The following TMC1 variants were observed in gnomAD, a reference collection of about 807,000 sequenced individuals.
TMC1 encodes transmembrane channel like 1, also known as transmembrane channel-like protein 1.
TMC1 carries 84 observed loss-of-function variants against 105.8 expected under a neutral mutation model. The ratio of observed to expected loss-of-function variants is 0.79; its 90% CI spans 0.67 to 0.95. The LOEUF (loss-of-function observed/expected upper bound fraction) is 0.95, where lower values mean the gene tolerates loss of function less well. TMC1 is among the 40% of genes least tolerant of loss of function. The pLI is 0.00. For synonymous variants in TMC1, 315 were observed against 311.5 expected (o/e 1.01, Z -0.12); for missense variants, 817 against 914.1 (o/e 0.89, Z 1.37).
intron 13 of TMC1, among the ~76,000 whole-genome samples, chr9:72,777,037 A>G (rs1828016952): frequency 6.6e-6 from 1 of 152,174 alleles, no homozygotes; most frequent in Non-Finnish European, 1.5e-5. Context: ...TATCAAAACC[A>G]AGTCCTTGTT....
rs57741839 is a variant in TMC1, at chr9:72,607,002, TAGAG to T, written c.-305-9344_-305-9341del. ...GTGTGCATATATATATATATATATA[TAGAG>T]AGAGAGAGAGAGAGAGAGAGAAAGA... On this transcript the variant is annotated intron_variant, in intron 2 of 23. Coordinates refer to ENST00000297784, the MANE Select transcript of TMC1 (RefSeq NM_138691.3). Among the ~76,000 whole-genome samples the T allele has an allele frequency of 3.2e-3, 436 of 134,960 alleles. 4 individuals are homozygous for T. The highest frequency in any genetic ancestry group is 0.012 in the African/African-American group (418 of 35,756). 88.5% of individuals were successfully genotyped at this position (134,960 alleles called of 152,430 possible). A position where few individuals can be genotyped will look rare whatever the true frequency, so the allele number is the denominator to read the frequency against.
At chr9:72,599,436 AC>A (rs1449508717) in intron 2 of TMC1, among the ~76,000 whole-genome samples, 1 of 152,212 alleles carries the variant, frequency 6.6e-6, no homozygotes, top group Admixed American at 6.5e-5. Context: ...CTCCCAAAAG[AC>A]CTGGCCAGTG....
intron 2 of TMC1, among the ~76,000 whole-genome samples, chr9:72,583,696 G>A (rs963454288): frequency 6.6e-6 from 1 of 152,154 alleles, no homozygotes; most frequent in Non-Finnish European, 1.5e-5. Flanking sequence ...GAAACTCAGA[G>A]CCAAACTTGT....
intron 13 of TMC1, 39 bp from the exon 14 acceptor site, chr9:72,788,299 AT>A: frequency 6.2e-7 from 1 of 1,613,132 alleles, no homozygotes; most frequent in Admixed American, 1.7e-5. Context: ...CCCCTATCTC[AT>A]TTTTTCTGGC....
intron 17 of TMC1, 32 bp from the exon 18 acceptor site, chr9:72,805,350 T>G: frequency 6.2e-7 from 1 of 1,611,320 alleles, no homozygotes; most frequent in Non-Finnish European, 8.5e-7. Flanking sequence ...AAGACAGAAC[T>G]GTGTGTTTTA....
chr9:72,770,886 C>T (rs914985549), intron 12 of TMC1, among the ~76,000 whole-genome samples: 7 of 152,124 alleles, frequency 4.6e-5, no homozygotes, highest in African/African-American at 1.7e-4. Flanking sequence ...TTTTGTTCTT[C>T]CTCTTTTTGT....
chr9:72,654,111 T>A (rs1214855441), intron 5 of TMC1, among the ~76,000 whole-genome samples: 2 of 152,204 alleles, frequency 1.3e-5, no homozygotes, highest in Non-Finnish European at 2.9e-5. Flanking sequence ...TAGAAGTCTG[T>A]TGTGAATGTT....
intron 8 of TMC1, among the ~76,000 whole-genome samples, chr9:72,738,036 A>G (rs1451380856): frequency 1.3e-5 from 2 of 152,174 alleles, no homozygotes; most frequent in Admixed American, 1.3e-4. Context: ...AAATTATTAG[A>G]TACTCCCTTG....
chr9:72,809,394 G>A (rs1265617662), intron 18 of TMC1, among the ~76,000 whole-genome samples: 1 of 152,146 alleles, frequency 6.6e-6, no homozygotes, highest in Non-Finnish European at 1.5e-5. Context: ...ACCTTTGGAA[G>A]GCTCAAAAAA....
intron 5 of TMC1, among the ~76,000 whole-genome samples, chr9:72,657,562 G>A (rs903509839): frequency 6.6e-6 from 1 of 152,038 alleles, no homozygotes; most frequent in Non-Finnish European, 1.5e-5. Context: ...ATATTTTTCA[G>A]TTTTGGGGTG....
rs550736678 is a variant in TMC1 at position 72,790,239 on chromosome 9, T to C, written c.1224+922T>C. Among the ~76,000 whole-genome samples, 22 of 152,304 alleles carry C rather than the reference T, an allele frequency of 1.4e-4. No homozygotes were observed. In the South Asian group the frequency reaches 4.6e-3, roughly 32 times the overall value. On this transcript the variant is annotated intron_variant, in intron 15 of 23. Coordinates refer to ENST00000297784, the MANE Select transcript of TMC1 (RefSeq NM_138691.3). ...AGTATAGATCAAAAGAATTAAAATA[T>C]GTCTTTATAAGCATAGAATTTTCTA...
chr9:72,805,330 G>C, intron 17 of TMC1, 52 bp from the exon 18 acceptor site: 2 of 1,604,284 alleles, frequency 1.2e-6, no homozygotes, highest in Non-Finnish European at 1.7e-6. Context: ...ACCAACACTA[G>C]GACCATTTGA....
intron 3 of TMC1, among the ~76,000 whole-genome samples, chr9:72,626,556 A>G (rs1243921215): frequency 6.6e-6 from 1 of 152,226 alleles, no homozygotes; most frequent in Non-Finnish European, 1.5e-5. Context: ...ACAGAGAAGG[A>G]GTGAATAAGG....
chr9:72,678,339 T>C (rs60823696), intron 5 of TMC1, among the ~76,000 whole-genome samples: 15,020 of 152,096 alleles, frequency 0.099, 801 homozygotes, highest in Non-Finnish European at 0.13. Flanking sequence ...GAGATAGCTT[T>C]CCCATTTCCA....
At chr9:72,792,949 T>A (rs1435137637) in intron 17 of TMC1, among the ~76,000 whole-genome samples, 2 of 152,076 alleles carry the variant, frequency 1.3e-5, no homozygotes, top group Non-Finnish European at 2.9e-5. Flanking sequence ...GGTAGTGACA[T>A]GAAGCCAAGG....
chr9:72,771,388 C>T (rs1194834817), intron 12 of TMC1, among the ~76,000 whole-genome samples: 1 of 152,168 alleles, frequency 6.6e-6, no homozygotes, highest in Non-Finnish European at 1.5e-5. Context: ...GAATTAGCAT[C>T]TACGACATTT....
chr9:72,657,074 C>G (rs1825895597), intron 5 of TMC1, among the ~76,000 whole-genome samples: 1 of 152,218 alleles, frequency 6.6e-6, no homozygotes, highest in African/African-American at 2.4e-5. Context: ...TAGCGGTATT[C>G]AGCCAAAGTT....
rs544496883 is a variant in TMC1, at chr9:72,603,865, T to A, written c.-305-12503T>A. ...GACCGGCTGTTTTTTTTTTTTTTTT[T>A]TTTTTTTTTTTCTTTTTTGAGACGG... On this transcript the variant is annotated intron_variant, in intron 2 of 23. Transcript: ENST00000297784. Among the ~76,000 whole-genome samples the A allele has an allele frequency of 2.8e-4, 40 of 145,168 alleles. 1 individual carries two copies. The highest frequency in any genetic ancestry group is 9.8e-4 in the African/African-American group (38 of 38,800).
Position 72,732,625 on chromosome 9 carries a change from G to A in TMC1, c.363-7494G>A, listed in dbSNP as rs115805386. ...AATAACTAAAAGCATCATTTACCTG[G>A]TGTGCCAGGTACTGCTTTGCTTACA... On this transcript the variant is annotated intron_variant, in intron 8 of 23. Transcript: ENST00000297784. Among the ~76,000 whole-genome samples, 483 of 152,020 alleles carry A rather than the reference G, an allele frequency of 3.2e-3. 2 individuals carry two copies. The highest frequency in any genetic ancestry group is 0.011 in the African/African-American group (461 of 41,528).
Sources: gnomAD v4.1 joint callset for allele counts (sites outside exome capture counted in the v4.1 genomes callset) on GRCh38, gnomAD v4.1.1 for gene constraint, MANE v1.5 for transcripts, NCBI Gene and HGNC (gene_info 2026-07-23, HGNC 2026-07-21) for gene names.